Variants in CACNA1B observed in about 807,000 individuals in gnomAD.
CACNA1B encodes calcium voltage-gated channel subunit alpha1 B, also known as voltage-dependent N-type calcium channel subunit alpha-1B.
A neutral mutation model predicts 247.2 loss-of-function variants in CACNA1B; 70 were observed. The ratio of observed to expected loss-of-function variants is 0.28; its 90% CI spans 0.23 to 0.35. CACNA1B has a LOEUF of 0.35. Ranked by LOEUF, CACNA1B falls within the 10% of genes least tolerant of loss-of-function variation. The probability of loss-of-function intolerance (pLI) is 1.00; values close to 1 mark genes in which losing one functional copy is unlikely to be tolerated. For synonymous variants in CACNA1B, 1,231 were observed against 1,294.4 expected (o/e 0.95, Z 1.05); for missense variants, 2,367 against 3,197.4 (o/e 0.74, Z 6.26).
intron 11 of CACNA1B, among the ~76,000 whole-genome samples, chr9:137,975,696 A>G (rs1016492862): frequency 6.6e-6 from 1 of 152,158 alleles, no homozygotes; most frequent in Non-Finnish European, 1.5e-5. Context: ...CTAGGGACTC[A>G]CCACCTTTCA....
At position 137,913,792 on chromosome 9, in the gene CACNA1B, A is replaced by G. The variant is rs1173754484; in HGVS notation, c.622+521A>G. On this transcript the variant is annotated intron_variant, in intron 4 of 46. Coordinates refer to ENST00000371372, the MANE Select transcript of CACNA1B (RefSeq NM_000718.4). This position sits in a 1 kb window ranked among gnomAD's most constrained non-coding sequence, Gnocchi z 5.2. ...TGAGCCAGTGACCACCTGGACCCCT[A>G]TTCCTTCAGCCCAGTGGAAGTCTGG... 1.3e-5 allele frequency among the ~76,000 whole-genome samples: 2 copies of G among 152,150 alleles called. No individual in the cohort carries two copies. The highest frequency in any genetic ancestry group is 2.4e-5 in the African/African-American group (1 of 41,430).
At chr9:138,083,348 C>T (rs1400795888) in intron 36 of CACNA1B, among the ~76,000 whole-genome samples, 5 of 151,074 alleles carry the variant, frequency 3.3e-5, no homozygotes, top group African/African-American at 1.2e-4. Context: ...TGAGGGGCCA[C>T]GTGGAGGTGG....
At chr9:137,926,283 T>C (rs752981882) in intron 6 of CACNA1B, among the ~76,000 whole-genome samples, 29 of 152,134 alleles carry the variant, frequency 1.9e-4, no homozygotes, top group African/African-American at 4.8e-4. Context: ...TTGGCCAGGC[T>C]GGTCTTGAAC....
At chr9:138,002,893 C>T (rs929520256) in intron 15 of CACNA1B, among the ~76,000 whole-genome samples, 5 of 151,348 alleles carry the variant, frequency 3.3e-5, no homozygotes, top group African/African-American at 7.3e-5. Flanking sequence ...CTCCGCCTCC[C>T]GGGTTCAAGC....
chr9:138,089,503 T>C (rs1446090573), intron 36 of CACNA1B, among the ~76,000 whole-genome samples: 4 of 151,966 alleles, frequency 2.6e-5, no homozygotes, highest in Admixed American at 2.6e-4. Flanking sequence ...ACAAGTTAGG[T>C]TGGAAGATAC....
At chr9:138,060,810 C>A (rs2133510006) in intron 31 of CACNA1B, among the ~76,000 whole-genome samples, 1 of 152,308 alleles carries the variant, frequency 6.6e-6, no homozygotes, top group South Asian at 2.1e-4. Context: ...CTCTGGGAGA[C>A]AGAGCGGAGC....
chr9:137,946,467 A>T (rs1004023750), intron 6 of CACNA1B, among the ~76,000 whole-genome samples: 2 of 152,170 alleles, frequency 1.3e-5, no homozygotes, highest in Non-Finnish European at 2.9e-5. Flanking sequence ...GAAAGACAGA[A>T]AAGAGTCCTT....
rs10217263 is a variant in CACNA1B, at chr9:138,048,917, C to A, written c.3604-292C>A. Among the ~76,000 whole-genome samples the A allele has an allele frequency of 0.14, 20,593 of 152,220 alleles. 4,473 individuals are homozygous for A. Among genetic ancestry groups the A allele is most frequent in the African/African-American group, 0.46 (19,012 of 41,472 alleles). On this transcript the variant is annotated intron_variant, in intron 23 of 46. Coordinates refer to ENST00000371372, the MANE Select transcript of CACNA1B (RefSeq NM_000718.4). ...ATGTTTAGTAGAGATGGGGTTTCAC[C>A]TTGTTGTCCAGGCTGGTCTTGAACT...
intron 3 of CACNA1B, among the ~76,000 whole-genome samples, chr9:137,887,988 G>T (rs1434624216): frequency 6.6e-6 from 1 of 151,586 alleles, no homozygotes; most frequent in African/African-American, 2.4e-5. Context: ...GCTCCAGCAG[G>T]GGAGAGGCTG....
At chr9:138,061,661 T>C (rs1053467227) in intron 31 of CACNA1B, among the ~76,000 whole-genome samples, 1 of 152,194 alleles carries the variant, frequency 6.6e-6, no homozygotes, top group Non-Finnish European at 1.5e-5. Context: ...TATGGAATCC[T>C]GTGTTGGTAA....
In CACNA1B at chr9:138,121,714, C is replaced by T. The variant is rs761106447; in HGVS notation, c.6735C>T (p.Ser2245=). The change falls in exon 47 of 47, where the codon AGC becomes AGT. Residue 2245 remains serine (S), a synonymous_variant. Transcript: ENST00000371372. The surrounding 1 kb of genome is among the most constrained non-coding windows in gnomAD (Gnocchi z 6.8). ...CCCTGCTGCAGAGAGACCCCCTCAGCCAGCCCCTGGCCCCTGGCTCTCGAA... is the reference window on the plus strand; with the variant it reads ...CCCTGCTGCAGAGAGACCCCCTCAGTCAGCCCCTGGCCCCTGGCTCTCGAA... ...HNALLQRDPL[S]QPLAPGSRIG... is the part of the protein sequence containing the mutation. 1 of 1,613,408 alleles carries T rather than the reference C, an allele frequency of 6.2e-7. No homozygotes were observed. The highest frequency in any genetic ancestry group is 1.1e-5 in the South Asian group (1 of 91,080).
At chr9:137,942,605 C>T (rs1201522053) in intron 6 of CACNA1B, among the ~76,000 whole-genome samples, 1 of 152,074 alleles carries the variant, frequency 6.6e-6, no homozygotes, top group Non-Finnish European at 1.5e-5. Context: ...GATAAAGAAA[C>T]TGTGATATAT....
rs766240740 is a variant in CACNA1B at position 137,917,281 on chromosome 9, C to T, written c.816C>T (p.Ala272=). The T allele has an allele frequency of 6.2e-7, 1 of 1,613,828 alleles. No individual in the cohort carries two copies. Among genetic ancestry groups the T allele is most frequent in the South Asian group, 1.1e-5 (1 of 91,074 alleles). ...GTGACTTCCCCTGTGGCAAGGAGGC[C>T]CCAGCCCGGCTGTGCGAGGGCGACA... The part of the protein sequence containing the change: ...PVGDFPCGKE[A]PARLCEGDTE... The change falls in exon 6 of 47, where the codon GCC becomes GCT. Residue 272 remains alanine (A), a synonymous_variant. Coordinates refer to ENST00000371372, the MANE Select transcript of CACNA1B (RefSeq NM_000718.4). This position sits in a 1 kb window ranked among gnomAD's most constrained non-coding sequence, Gnocchi z 5.5.
In CACNA1B at chr9:138,024,831, G is replaced by A. The variant is rs1033708162; in HGVS notation, c.3069-124G>A. Reference sequence around the variant, plus strand: ...TTAATTTTTGTAGAGATGGGGTTTCGCCATATTCCCCAGGCTGGTCTTGAA... The same window carrying A: ...TTAATTTTTGTAGAGATGGGGTTTCACCATATTCCCCAGGCTGGTCTTGAA... On this transcript the variant is annotated intron_variant, in intron 19 of 46. Transcript: ENST00000371372. The A allele has an allele frequency of 3.0e-5, 20 of 670,662 alleles. No individual in the cohort carries two copies. The African/African-American group carries it at 3.0e-4, about 10-fold the overall frequency. The allele number at this position is 670,662 out of a possible 1,614,324, so 41.5% of individuals were successfully genotyped here. A position where few individuals can be genotyped will look rare whatever the true frequency, so the allele number is the denominator to read the frequency against.
intron 18 of CACNA1B, among the ~76,000 whole-genome samples, chr9:138,015,958 GCACA>G (rs1213594539): frequency 1.3e-5 from 2 of 151,682 alleles, no homozygotes; most frequent in East Asian, 1.9e-4. Context: ...ATATAGGCAA[GCACA>G]CACACAGGCA....
intron 36 of CACNA1B, among the ~76,000 whole-genome samples, chr9:138,094,587 A>C (rs1589124849): frequency 1.3e-5 from 2 of 152,254 alleles, no homozygotes; most frequent in South Asian, 2.1e-4. Context: ...AAGAAAAGAA[A>C]ACTGCAGACT....
intron 15 of CACNA1B, among the ~76,000 whole-genome samples, chr9:138,002,792 TTTTTC>T (rs923495550): frequency 6.8e-5 from 10 of 148,024 alleles, no homozygotes; most frequent in Middle Eastern, 3.6e-3. Context: ...TTTCTTTTCT[TTTTTC>T]TTTTCTTTTC....
intron 36 of CACNA1B, among the ~76,000 whole-genome samples, chr9:138,094,215 G>A (rs1354152437): frequency 6.6e-6 from 1 of 152,136 alleles, no homozygotes; most frequent in East Asian, 1.9e-4. Context: ...GTTACCTATA[G>A]TAGTCAAATT....
chr9:138,023,874 C>G (rs935314528), intron 19 of CACNA1B, 63 bp downstream of exon 19: 4 of 812,440 alleles, frequency 4.9e-6, no homozygotes, highest in Non-Finnish European at 8.2e-6. Flanking sequence ...CGGGCCCCAG[C>G]GGTGGCTGCG....
Sources: gnomAD v4.1 joint callset for allele counts (sites outside exome capture counted in the v4.1 genomes callset) on GRCh38, gnomAD v4.1.1 for gene constraint, Gnocchi (gnomAD v3.1) non-coding constraint, MANE v1.5 for transcripts, NCBI Gene and HGNC (gene_info 2026-07-23, HGNC 2026-07-21) for gene names.